PRKCA: variants seen among roughly 807,000 people sequenced by gnomAD.
The protein encoded by PRKCA is protein kinase C alpha, also known as protein kinase C alpha type.
A neutral mutation model predicts 87.0 loss-of-function variants in PRKCA; 27 were observed. The ratio of observed to expected loss-of-function variants is 0.31; its 90% CI spans 0.23 to 0.43. PRKCA has a LOEUF of 0.43. PRKCA is among the 20% of genes least tolerant of loss of function. PRKCA has a pLI of 1.00. For missense variants in PRKCA, 518 were observed against 852.3 expected (o/e 0.61, Z 4.88); for synonymous variants, 329 against 311.1 (o/e 1.06, Z -0.61).
At chr17:66,388,404 C>G (rs1303160131) in intron 2 of PRKCA, among the ~76,000 whole-genome samples, 1 of 151,952 alleles carries the variant, frequency 6.6e-6, no homozygotes, top group Non-Finnish European at 1.5e-5. Flanking sequence ...AAGCGATTCT[C>G]TTGCTTCAGC....
At chr17:66,676,946 G>A (rs1044589548) in intron 5 of PRKCA, among the ~76,000 whole-genome samples, 12 of 152,144 alleles carry the variant, frequency 7.9e-5, no homozygotes, top group African/African-American at 2.9e-4. Flanking sequence ...AGGAACCTAA[G>A]GGAAGTAGAG....
intron 3 of PRKCA, among the ~76,000 whole-genome samples, chr17:66,519,326 T>C (rs2144211651): frequency 6.6e-6 from 1 of 152,302 alleles, no homozygotes. Flanking sequence ...GTTTGAGTGC[T>C]TGGAGGCCTC....
chr17:66,486,682 C>T (rs751114894), intron 2 of PRKCA, among the ~76,000 whole-genome samples: 11 of 152,128 alleles, frequency 7.2e-5, no homozygotes, highest in Non-Finnish European at 1.5e-4. Flanking sequence ...GCTTGGTCCA[C>T]AGTCCCCCGT....
intron 8 of PRKCA, among the ~76,000 whole-genome samples, chr17:66,729,508 G>A (rs573321125): frequency 3.9e-5 from 6 of 152,218 alleles, no homozygotes; most frequent in African/African-American, 7.2e-5. Context: ...TGGCCCTGCC[G>A]AAGTGGGCAG....
chr17:66,473,413 ACT>A (rs1915409010), intron 2 of PRKCA, among the ~76,000 whole-genome samples: 1 of 151,768 alleles, frequency 6.6e-6, no homozygotes, highest in South Asian at 2.1e-4. Context: ...CCCATTTCAG[ACT>A]CTGCCTTCAC....
chr17:66,380,922 GTATTTTTATTTTT>G lies in PRKCA; in HGVS notation c.205+74803_205+74815del, dbSNP rs1237567309. 6.0e-5 allele frequency among the ~76,000 whole-genome samples: 9 copies of G among 150,774 alleles called. No individual in the cohort carries two copies. In the South Asian group the frequency reaches 1.7e-3, roughly 28 times the overall value. ...ATTTGTTCCTTATAAAGAATCTAAG[GTATTTTTATTTTT>G]TATTTTTCTTTTTTTTTTTTTGGAG... is the stretch of plus-strand genomic sequence containing the variant. On this transcript the variant is annotated intron_variant, in intron 2 of 16. Coordinates refer to ENST00000413366, the MANE Select transcript of PRKCA (RefSeq NM_002737.3).
chr17:66,481,536 C>G (rs148332580), intron 2 of PRKCA, among the ~76,000 whole-genome samples: 206 of 152,272 alleles, frequency 1.4e-3, no homozygotes, highest in African/African-American at 4.8e-3. Context: ...GGCTCCTGCT[C>G]TCTGCTCGCC....
intron 3 of PRKCA, among the ~76,000 whole-genome samples, chr17:66,616,626 C>A (rs1367264638): frequency 6.6e-6 from 1 of 152,184 alleles, no homozygotes; most frequent in African/African-American, 2.4e-5. Context: ...GGGTTATCTG[C>A]CCCCAGCTAC....
At chr17:66,646,047 G>A (rs1252550372) in intron 5 of PRKCA, among the ~76,000 whole-genome samples, 1 of 152,204 alleles carries the variant, frequency 6.6e-6, no homozygotes, top group African/African-American at 2.4e-5. Flanking sequence ...CTGGTTATTA[G>A]CCTCGTTTTC....
chr17:66,641,348 C>T lies in PRKCA; in HGVS notation c.289-7C>T, dbSNP rs1274302869. ...TAAAATGAGCATTGTGCTTCTTCTC[C>T]TCCCAGGACCCCAGGAGCAAGCACA... On this transcript the variant is annotated splice_polypyrimidine_tract_variant and splice_region_variant and intron_variant, in intron 3 of 16. Transcript: ENST00000413366. 6.2e-7 allele frequency: 1 copy of T among 1,605,332 alleles called. No homozygotes were observed. The highest frequency in any genetic ancestry group is 2.2e-5 in the East Asian group (1 of 44,776).
intron 8 of PRKCA, among the ~76,000 whole-genome samples, chr17:66,715,130 G>T (rs868680097): frequency 2.6e-4 from 38 of 144,262 alleles, no homozygotes; most frequent in South Asian, 4.4e-4. Context: ...TTGTTTTTTG[G>T]TTTTTTTTTT....
intron 2 of PRKCA, among the ~76,000 whole-genome samples, chr17:66,333,156 C>CA (rs1906456093): frequency 6.6e-6 from 1 of 152,174 alleles, no homozygotes; most frequent in South Asian, 2.1e-4. Context: ...ATAGCTTTCC[C>CA]AGAGAAACTG....
chr17:66,545,176 C>T (rs1244431092), intron 3 of PRKCA, among the ~76,000 whole-genome samples: 2 of 152,176 alleles, frequency 1.3e-5, no homozygotes, highest in Non-Finnish European at 2.9e-5. Context: ...CGCCTGTAAT[C>T]CCAGCACTTT....
intron 2 of PRKCA, among the ~76,000 whole-genome samples, chr17:66,405,860 G>GC (rs1911341643): frequency 6.6e-6 from 1 of 152,106 alleles, no homozygotes; most frequent in Admixed American, 6.5e-5. Flanking sequence ...AATATGCTTT[G>GC]CTGGACTCTG....
At chr17:66,381,607 A>G (rs1000776779) in intron 2 of PRKCA, among the ~76,000 whole-genome samples, 3 of 152,224 alleles carry the variant, frequency 2.0e-5, no homozygotes, top group Admixed American at 6.5e-5. Flanking sequence ...CTATTCTACA[A>G]GGAGTCAGAT....
At chr17:66,523,069 A>T (rs961740605) in intron 3 of PRKCA, among the ~76,000 whole-genome samples, 1 of 152,126 alleles carries the variant, frequency 6.6e-6, no homozygotes, top group African/African-American at 2.4e-5. Flanking sequence ...TATACAGGAG[A>T]GAAGACAGTA....
intron 5 of PRKCA, among the ~76,000 whole-genome samples, chr17:66,665,213 C>T (rs1167414433): frequency 6.6e-6 from 1 of 152,122 alleles, no homozygotes; most frequent in Non-Finnish European, 1.5e-5. Context: ...TTTTTTAATA[C>T]TTAAACGGTT....
chr17:66,569,875 G>A lies in PRKCA; in HGVS notation c.289-71480G>A, dbSNP rs1309940439. On this transcript the variant is annotated intron_variant, in intron 3 of 16. Transcript: ENST00000413366. ...TGACTAAAGCTGAATACACACTCCT[G>A]TCAGACAGCAATTCTTCTCGTAGGT... 2.0e-5 allele frequency among the ~76,000 whole-genome samples: 3 copies of A among 152,186 alleles called. No homozygotes were observed. In the South Asian group the frequency reaches 6.2e-4, roughly 31 times the overall value.
chr17:66,637,766 A>G (rs79737216), intron 3 of PRKCA, among the ~76,000 whole-genome samples: 8,112 of 152,254 alleles, frequency 0.053, 288 homozygotes, highest in Admixed American at 0.077. Flanking sequence ...CACAAGGATC[A>G]CTGGCAGGAT....
Sources: gnomAD v4.1 joint callset for allele counts (sites outside exome capture counted in the v4.1 genomes callset) on GRCh38, gnomAD v4.1.1 for gene constraint, MANE v1.5 for transcripts, NCBI Gene and HGNC (gene_info 2026-07-23, HGNC 2026-07-21) for gene names.